MRPS25: variants seen among roughly 807,000 people sequenced by gnomAD.
MRPS25 encodes mitochondrial ribosomal protein S25.
In MRPS25, 15 loss-of-function variants were observed where a neutral mutation model predicts 17.3. The observed-to-expected ratio is 0.87, with a 90% CI of 0.58 to 1.34. The LOEUF is 1.34. Ranked by LOEUF, MRPS25 falls within the 40% of genes most tolerant of loss-of-function variation. The probability of loss-of-function intolerance (pLI) is 0.00; values close to 1 mark genes in which losing one functional copy is unlikely to be tolerated. For missense variants in MRPS25, 225 were observed against 218.6 expected (o/e 1.03, Z -0.19); for synonymous variants, 94 against 83.3 (o/e 1.13, Z -0.70).
intron 1 of MRPS25, among the ~76,000 whole-genome samples, chr3:15,063,825 C>T (rs995227755): frequency 6.6e-6 from 1 of 152,112 alleles, no homozygotes; most frequent in Non-Finnish European, 1.5e-5. Context: ...GCGGGCCGCA[C>T]CGAGACCCCC....
rs1171289006 is a variant in MRPS25, at chr3:15,052,474, G to A, written c.489C>T (p.Tyr163=). 2 of 1,614,044 alleles carry A rather than the reference G, an allele frequency of 1.2e-6. No individual in the cohort carries two copies. The highest frequency in any genetic ancestry group is 1.7e-6 in the Non-Finnish European group (2 of 1,180,026). Residue 163 remains tyrosine (Y), a synonymous_variant, in exon 4 of 4, where the codon TAC becomes TAT. Transcript: ENST00000253686. ...VPLPKEMRGK[Y]KAALKADAQD ...GGGCATCGGCTTTCAGAGCGGCTTT[G>A]TACTTCCCCCTCATCTCCTTGGGTA...
At chr3:15,043,171 C>G (rs922124573), downstream of MRPS25, 3 of 505,984 alleles carry the variant, frequency 5.9e-6, no homozygotes, top group Non-Finnish European at 9.7e-6. Flanking sequence ...AATTAAAAGA[C>G]TAGTAGGATC....
chr3:15,060,061 T>C (rs2042730009), intron 1 of MRPS25, among the ~76,000 whole-genome samples: 1 of 152,038 alleles, frequency 6.6e-6, no homozygotes, highest in Admixed American at 6.5e-5. Context: ...GTAATATTAA[T>C]CTGAACGCTG....
chr3:15,058,435 C>A (rs1350077013), intron 2 of MRPS25, among the ~76,000 whole-genome samples: 2 of 152,058 alleles, frequency 1.3e-5, no homozygotes, highest in African/African-American at 4.8e-5. Context: ...GTGATCCACC[C>A]TCCTCGGCCT....
chr3:15,061,475 C>G (rs1322067147), intron 1 of MRPS25, among the ~76,000 whole-genome samples: 1 of 152,230 alleles, frequency 6.6e-6, no homozygotes, highest in Non-Finnish European at 1.5e-5. Flanking sequence ...GCCTCGGCCT[C>G]CAGAGGTGCC....
chr3:15,061,793 A>G (rs1367520463), intron 1 of MRPS25, among the ~76,000 whole-genome samples: 10 of 138,694 alleles, frequency 7.2e-5, no homozygotes, highest in African/African-American at 2.5e-4. Context: ...CCGCCGCCCC[A>G]TCTGGGATGT....
chr3:15,059,648 G>T (rs893645507), intron 1 of MRPS25, among the ~76,000 whole-genome samples, 173 bp from the exon 2 acceptor site: 7 of 152,134 alleles, frequency 4.6e-5, no homozygotes, highest in Non-Finnish European at 5.9e-5. Flanking sequence ...AATGGCGTGG[G>T]GACCCCTGGG....
intron 2 of MRPS25, among the ~76,000 whole-genome samples, chr3:15,055,197 C>T (rs2042654988): frequency 6.6e-6 from 1 of 152,140 alleles, no homozygotes; most frequent in African/African-American, 2.4e-5. Context: ...CATGAGAAAC[C>T]GCCCCCACGG....
intron 1 of MRPS25, 55 bp downstream of exon 1, chr3:15,065,006 A>T: frequency 6.4e-7 from 1 of 1,557,294 alleles, no homozygotes; most frequent in Admixed American, 1.9e-5. Context: ...CGTTACCAGC[A>T]GGCTGGCACG....
chr3:15,042,761 C>T, downstream of MRPS25: 9 of 1,426,792 alleles, frequency 6.3e-6, no homozygotes, highest in Non-Finnish European at 8.7e-6. Flanking sequence ...AGACGGGACC[C>T]CAGGAGCCTT....
In MRPS25 at chr3:15,053,476, G is replaced by A. The variant is rs573049919; in HGVS notation, c.242-9C>T. The A allele has an allele frequency of 2.0e-4, 317 of 1,614,030 alleles. No homozygotes were observed. The highest frequency in any genetic ancestry group is 2.6e-4 in the Non-Finnish European group (308 of 1,180,028). On this transcript the variant is annotated splice_polypyrimidine_tract_variant and intron_variant, in intron 2 of 3. Coordinates refer to ENST00000253686, the MANE Select transcript of MRPS25 (RefSeq NM_022497.5). ...GACCTGCTCCCCAGAATCTGGAAAC[G>A]GAAAGCACGGGGCAGAAGAGAAACA...
chr3:15,061,585 G>A (rs1020336234), intron 1 of MRPS25, among the ~76,000 whole-genome samples: 1 of 152,178 alleles, frequency 6.6e-6, no homozygotes, highest in Non-Finnish European at 1.5e-5. Flanking sequence ...CCTCCCAGCC[G>A]CCTGCCTTGG....
rs966362760 is a variant in MRPS25 at position 15,051,192 on chromosome 3, AT to A, written c.*1248del. On this transcript the variant is annotated 3_prime_UTR_variant, in exon 4 of 4. Transcript: ENST00000253686. ...CTTTATAATTAAACTTATTTAAAAA[AT>A]TTTTTTTCTTGAGACAGTCTTGCTC... is the stretch of plus-strand genomic sequence containing the variant. 9 of 983,330 alleles carry A rather than the reference AT, an allele frequency of 9.2e-6. No individual in the cohort carries two copies. The highest frequency in any genetic ancestry group is 1.1e-5 in the Non-Finnish European group (9 of 828,322). The allele number at this position is 983,330 out of a possible 1,614,324, so 60.9% of individuals were successfully genotyped here.
chr3:15,061,449 C>G (rs1345336467), intron 1 of MRPS25, among the ~76,000 whole-genome samples: 1 of 152,212 alleles, frequency 6.6e-6, no homozygotes, highest in Non-Finnish European at 1.5e-5. Context: ...AGCTCCTAAC[C>G]GCGAGTGATC....
chr3:15,053,258 T>A lies in MRPS25; in HGVS notation c.329+122A>T, dbSNP rs554645313. The A allele has an allele frequency of 3.9e-6, 6 of 1,526,462 alleles. No individual in the cohort carries two copies. In the South Asian group the frequency reaches 7.5e-5, roughly 19 times the overall value. The allele number at this position is 1,526,462 out of a possible 1,614,324, so 94.6% of individuals were successfully genotyped here. A position where few individuals can be genotyped will look rare whatever the true frequency, so the allele number is the denominator to read the frequency against. On this transcript the variant is annotated intron_variant, in intron 3 of 3. Coordinates refer to ENST00000253686, the MANE Select transcript of MRPS25 (RefSeq NM_022497.5). ...CTGATTCTACAGCCCCAGCTCTTATTAGTGTCTGGCGTTCACTGTCAGAGA... is the reference window on the plus strand; with the variant it reads ...CTGATTCTACAGCCCCAGCTCTTATAAGTGTCTGGCGTTCACTGTCAGAGA...
chr3:15,050,828 A>G lies in MRPS25; in HGVS notation c.*1613T>C. 1 of 985,454 alleles carries G rather than the reference A, an allele frequency of 1.0e-6. No homozygotes were observed. The highest frequency in any genetic ancestry group is 1.2e-6 in the Non-Finnish European group (1 of 829,936). The allele number at this position is 985,454 out of a possible 1,614,324, so 61.0% of individuals were successfully genotyped here. ...CAGATCTGGTACAGAATCAAACTTG[A>G]GCATCAAATGTAAAAGATCCAAATC... On this transcript the variant is annotated 3_prime_UTR_variant, in exon 4 of 4. Coordinates refer to ENST00000253686, the MANE Select transcript of MRPS25 (RefSeq NM_022497.5).
At chr3:15,055,220 G>A (rs960291690) in intron 2 of MRPS25, among the ~76,000 whole-genome samples, 3 of 152,166 alleles carry the variant, frequency 2.0e-5, no homozygotes, top group Admixed American at 6.5e-5. Flanking sequence ...ACTAGGACTC[G>A]TACTCCCATG....
In MRPS25 at chr3:15,052,433, C is replaced by T. The variant is rs573622093; in HGVS notation, c.*8G>A. 1.3e-5 allele frequency: 21 copies of T among 1,609,600 alleles called. No homozygotes were observed. The highest frequency in any genetic ancestry group is 4.5e-5 in the East Asian group (2 of 44,728). ...CACCATCACCCCAGCCCACAGTGAC[C>T]GTGGGCCTTAGTCCTGGGCATCGGC... is the stretch of plus-strand genomic sequence containing the variant. On this transcript the variant is annotated 3_prime_UTR_variant, in exon 4 of 4. Transcript: ENST00000253686.
chr3:15,065,207 G>T lies in MRPS25; in HGVS notation c.-13C>A. On this transcript the variant is annotated 5_prime_UTR_variant, in exon 1 of 4. Transcript: ENST00000253686. ...CCTTCATGGGCATGGCGGCAACGGT[G>T]GCGGGGCCGACCCCACGGGCCGCGA... is the stretch of plus-strand genomic sequence containing the variant. The T allele has an allele frequency of 6.3e-7, 1 of 1,580,362 alleles. No individual in the cohort carries two copies.
Sources: allele counts gnomAD v4.1 joint callset (sites outside exome capture counted in the v4.1 genomes callset), GRCh38; gene constraint gnomAD v4.1.1; transcripts MANE v1.5; gene names NCBI Gene and HGNC (gene_info 2026-07-23, HGNC 2026-07-21).